The following GYS1 variants were observed in gnomAD, a reference collection of about 807,000 sequenced individuals.
The protein encoded by GYS1 is glycogen [starch] synthase, muscle.
Under a neutral mutation model 89.1 loss-of-function variants are expected in GYS1, and 60 were observed. The observed-to-expected ratio is 0.67, with a 90% CI of 0.55 to 0.84. The LOEUF is 0.84. GYS1 is among the 40% of genes least tolerant of loss of function. The probability of loss-of-function intolerance (pLI) is 0.00; values close to 1 mark genes in which losing one functional copy is unlikely to be tolerated. For missense variants in GYS1, 888 were observed against 1,003.1 expected, an observed-to-expected ratio of 0.89 and a Z score of 1.55; for synonymous variants, 366 against 401.7, an observed-to-expected ratio of 0.91 and a Z score of 1.06.
intron 1 of GYS1, 96 bp downstream of exon 1, chr19:48,992,899 T>A: frequency 1.3e-6 from 1 of 794,978 alleles, no homozygotes; most frequent in Non-Finnish European, 2.3e-6. Context: ...GTCACAAGGG[T>A]TCCCCTAGTA....
intron 12 of GYS1, among the ~76,000 whole-genome samples, chr19:48,972,820 A>G (rs905475252): frequency 6.6e-6 from 1 of 152,152 alleles, no homozygotes; most frequent in African/African-American, 2.4e-5. Context: ...AAACATCTGT[A>G]AACTGCAAAA....
rs1274682530 is a variant in GYS1, at chr19:48,992,992, C to T, written c.118+3G>A. ...CAAGGGCCCCGACGCCTGGCGTGCTCACCCTTGTTAGCCACCTCCCAGGCC... is the reference window on the plus strand; with the variant it reads ...CAAGGGCCCCGACGCCTGGCGTGCTTACCCTTGTTAGCCACCTCCCAGGCC... On this transcript the variant is annotated splice_donor_region_variant and intron_variant, in intron 1 of 15. Coordinates refer to ENST00000323798, the MANE Select transcript of GYS1 (RefSeq NM_002103.5). 1 of 1,563,322 alleles carries T rather than the reference C, an allele frequency of 6.4e-7. No individual in the cohort carries two copies. The highest frequency in any genetic ancestry group is 1.7e-5 in the Admixed American group (1 of 59,958).
intron 12 of GYS1, among the ~76,000 whole-genome samples, chr19:48,972,279 G>A (rs1482578719): frequency 6.6e-6 from 1 of 151,318 alleles, no homozygotes; most frequent in African/African-American, 2.4e-5. Context: ...CGGTTGCAGT[G>A]AGCCAAGACT....
Position 48,969,587 on chromosome 19 carries a change from G to A in GYS1, c.1915C>T (p.Pro639Ser), listed in dbSNP as rs1357664377. The change falls in exon 16 of 16, where the codon CCA (proline) becomes TCA (serine). Residue 639 changes from proline to serine, a missense_variant. Transcript: ENST00000323798. The part of the protein sequence containing the change: ...DAAQGYRYPR[P>S]ASVPPSPSLS... ...GAGGGCGACGGTGGCACCGAGGCTG[G>A]CCGTGGGTAGCGGTACCCCTGGGCC... 1 of 1,538,094 alleles carries A rather than the reference G, an allele frequency of 6.5e-7. No homozygotes were observed. The highest frequency in any genetic ancestry group is 8.7e-7 in the Non-Finnish European group (1 of 1,147,132).
intron 14 of GYS1, 156 bp downstream of exon 14, chr19:48,970,390 G>T (rs768142316): frequency 2.9e-6 from 2 of 686,060 alleles, no homozygotes; most frequent in East Asian, 5.5e-5. Context: ...AAAGTGCTGG[G>T]ATTACAACCA....
chr19:48,969,839 C>T lies in GYS1; in HGVS notation c.1826G>A (p.Arg609His). The change falls in exon 15 of 16, where the codon CGC (arginine) becomes CAC (histidine). Residue 609 changes from arginine (R) to histidine (H), a missense_variant. Coordinates refer to ENST00000323798, the MANE Select transcript of GYS1 (RefSeq NM_002103.5). Reference protein sequence around the residue: ...KYLGRYYMSARHMALSKAFPE... With the variant: ...KYLGRYYMSAHHMALSKAFPE... ...AAAGGCCTTGGACAGCGCCATGTGGCGCGCAGACATATAGTACTAGGGGAA... is the reference window on the plus strand; with the variant it reads ...AAAGGCCTTGGACAGCGCCATGTGGTGCGCAGACATATAGTACTAGGGGAA... 1 of 1,613,488 alleles carries T rather than the reference C, an allele frequency of 6.2e-7. No individual in the cohort carries two copies. The highest frequency in any genetic ancestry group is 2.2e-5 in the East Asian group (1 of 44,876).
chr19:48,983,599 A>G (rs2038797731), intron 5 of GYS1, among the ~76,000 whole-genome samples: 1 of 152,334 alleles, frequency 6.6e-6, no homozygotes, highest in East Asian at 1.9e-4. Flanking sequence ...ACGAAAAACT[A>G]CAACCCCCAT....
Position 48,991,098 on chromosome 19 carries a change from CTG to C in GYS1, c.300+202_300+203del, listed in dbSNP as rs1365906802. Among the ~76,000 whole-genome samples the C allele has an allele frequency of 6.6e-6, 1 of 152,212 alleles. No homozygotes were observed. Among genetic ancestry groups the C allele is most frequent in the Non-Finnish European group, 1.5e-5 (1 of 68,044 alleles). On this transcript the variant is annotated intron_variant, in intron 2 of 15. Transcript: ENST00000323798. This position sits in a 1 kb window ranked among gnomAD's most constrained non-coding sequence, Gnocchi z 4.7. Reference sequence around the variant, plus strand: ...AGTCTGTCTCATACTTGCCATCTGTCTGTCCATTCGCCCATGTCTGGGATCCA... The same window carrying C: ...AGTCTGTCTCATACTTGCCATCTGTCTCCATTCGCCCATGTCTGGGATCCA...
At position 48,984,087 on chromosome 19, in the gene GYS1, C is replaced by T. The variant is rs142265732; in HGVS notation, c.824-1250G>A. 2.8e-3 allele frequency among the ~76,000 whole-genome samples: 420 copies of T among 152,312 alleles called. 3 individuals carry two copies. The highest frequency in any genetic ancestry group is 9.6e-3 in the African/African-American group (398 of 41,572). ...AATCTTGGCTCACGACAACCTCTGC[C>T]TCCTGGGTTCAAGAGATTCTCCTGC... is the stretch of plus-strand genomic sequence containing the variant. On this transcript the variant is annotated intron_variant, in intron 5 of 15. Coordinates refer to ENST00000323798, the MANE Select transcript of GYS1 (RefSeq NM_002103.5).
In GYS1 at chr19:48,981,652, G is replaced by C. The variant is rs1391854570; in HGVS notation, c.1063-16C>G. The C allele has an allele frequency of 1.3e-6, 2 of 1,533,582 alleles. No individual in the cohort carries two copies. Among genetic ancestry groups the C allele is most frequent in the Non-Finnish European group, 1.8e-6 (2 of 1,106,688 alleles). The allele number at this position is 1,533,582 out of a possible 1,614,324, so 95.0% of individuals were successfully genotyped here. Reference sequence around the variant, plus strand: ...TGCCGTTCACCTGCGCAGAAAGAAAGGAGGGGGAGGCCAGGATCATGTGGG... The same window carrying C: ...TGCCGTTCACCTGCGCAGAAAGAAACGAGGGGGAGGCCAGGATCATGTGGG... On this transcript the variant is annotated splice_polypyrimidine_tract_variant and intron_variant, in intron 7 of 15. Transcript: ENST00000323798.
intron 12 of GYS1, among the ~76,000 whole-genome samples, chr19:48,973,709 G>A (rs780108409): frequency 8.6e-5 from 13 of 151,986 alleles, no homozygotes; most frequent in Non-Finnish European, 1.5e-4. Flanking sequence ...AGTAGAGACA[G>A]GGTTTCACTA....
At chr19:48,977,797 T>G in intron 10 of GYS1, 127 bp downstream of exon 10, 1 of 758,942 alleles carries the variant, frequency 1.3e-6, no homozygotes, top group South Asian at 1.4e-5. Flanking sequence ...TCAGAATAGA[T>G]CCCTTCATAA....
chr19:48,992,384 C>T (rs988393716), intron 1 of GYS1, among the ~76,000 whole-genome samples: 1 of 132,746 alleles, frequency 7.5e-6, no homozygotes, highest in Non-Finnish European at 1.6e-5. Context: ...TTAGGACTTC[C>T]CAGCCTTCCC....
intron 10 of GYS1, among the ~76,000 whole-genome samples, chr19:48,976,651 C>T (rs1234720446): frequency 6.6e-6 from 1 of 152,076 alleles, no homozygotes; most frequent in Non-Finnish European, 1.5e-5. Flanking sequence ...ATAAAACTAC[C>T]ACTCCCAGCA....
At chr19:48,990,397 G>T (rs2038908555) in intron 2 of GYS1, among the ~76,000 whole-genome samples, 1 of 152,088 alleles carries the variant, frequency 6.6e-6, no homozygotes, top group African/African-American at 2.4e-5. Context: ...GATATTCCAT[G>T]CTTCTCTCTC....
At position 48,981,517 on chromosome 19, in the gene GYS1, G is replaced by T; in HGVS notation, c.1169+13C>A. On this transcript the variant is annotated intron_variant, in intron 8 of 15. Coordinates refer to ENST00000323798, the MANE Select transcript of GYS1 (RefSeq NM_002103.5). ...AGTGGGCTGCGCCAGGGGCCGGAGC[G>T]AGGGCTGCTAACCAAAGCTGTTTGC... 1 of 1,497,450 alleles carries T rather than the reference G, an allele frequency of 6.7e-7. No homozygotes were observed. Among genetic ancestry groups the T allele is most frequent in the Non-Finnish European group, 9.3e-7 (1 of 1,073,356 alleles). The allele number at this position is 1,497,450 out of a possible 1,614,324, so 92.8% of individuals were successfully genotyped here.
chr19:48,969,058 C>A lies in GYS1; in HGVS notation c.*230G>T. 1 of 650,016 alleles carries A rather than the reference C, an allele frequency of 1.5e-6. No homozygotes were observed. The highest frequency in any genetic ancestry group is 2.8e-6 in the Non-Finnish European group (1 of 362,392). The allele number at this position is 650,016 out of a possible 1,614,324, so 40.3% of individuals were successfully genotyped here. Reference sequence around the variant, plus strand: ...GGTCCAGGCCCAGGGGACTCCAGGGCGCTGATTATGCATATTCTGGAGCCA... The same window carrying A: ...GGTCCAGGCCCAGGGGACTCCAGGGAGCTGATTATGCATATTCTGGAGCCA... On this transcript the variant is annotated 3_prime_UTR_variant, in exon 16 of 16. Coordinates refer to ENST00000323798, the MANE Select transcript of GYS1 (RefSeq NM_002103.5).
chr19:48,986,094 T>C, intron 3 of GYS1, 59 bp from the exon 4 acceptor site: 1 of 1,513,748 alleles, frequency 6.6e-7, no homozygotes, highest in Non-Finnish European at 9.1e-7. Context: ...GAATCGGCAA[T>C]CCCCAGTAGG....
rs1414818913 is a variant in GYS1, at chr19:48,974,680, G to A, written c.1362C>T (p.Asp454=). 8.1e-6 allele frequency: 13 copies of A among 1,613,928 alleles called. No homozygotes were observed. Among genetic ancestry groups the A allele is most frequent in the South Asian group, 1.1e-5 (1 of 91,086 alleles). ...CTHNMLDDSS[D]PILTTIRRIG... Reference sequence around the variant, plus strand: ...TTCGGCGGATGGTGGTCAGGATGGGGTCTGAGGAGTCATCCAGCATATTGT... The same window carrying A: ...TTCGGCGGATGGTGGTCAGGATGGGATCTGAGGAGTCATCCAGCATATTGT... The change falls in exon 11 of 16, where the codon GAC becomes GAT. Residue 454 remains aspartate (D), a synonymous_variant. Transcript: ENST00000323798.
Sources: allele counts gnomAD v4.1 joint callset (sites outside exome capture counted in the v4.1 genomes callset), GRCh38; gene constraint gnomAD v4.1.1; non-coding constraint Gnocchi (gnomAD v3.1); transcripts MANE v1.5; gene names NCBI Gene and HGNC (gene_info 2026-07-23, HGNC 2026-07-21).